Variants in ADAMTS19 observed in about 807,000 individuals in gnomAD.
ADAMTS19 encodes ADAM metallopeptidase with thrombospondin type 1 motif 19, also known as A disintegrin and metalloproteinase with thrombospondin motifs 19.
In ADAMTS19, 93 loss-of-function variants were observed where a neutral mutation model predicts 153.3. The ratio of observed to expected loss-of-function variants is 0.61; its 90% CI spans 0.51 to 0.72. The LOEUF is 0.72. Ranked by LOEUF, ADAMTS19 falls within the 30% of genes least tolerant of loss-of-function variation. The probability of loss-of-function intolerance (pLI) is 0.00; values close to 1 mark genes in which losing one functional copy is unlikely to be tolerated. For missense variants in ADAMTS19, 1,482 were observed against 1,552.1 expected (o/e 0.95, Z 0.76); for synonymous variants, 600 against 556.6 (o/e 1.08, Z -1.10).
In ADAMTS19 at chr5:129,481,271, G is replaced by A. The variant is rs1250096865; in HGVS notation, c.747+19514G>A. ...AGAGACAGAGAGTGCGAGAGTGCAA[G>A]TGCAGGGAAAACTGCCACTTTTAAA... On this transcript the variant is annotated intron_variant, in intron 2 of 22. Transcript: ENST00000274487. 3.3e-5 allele frequency among the ~76,000 whole-genome samples: 5 copies of A among 152,292 alleles called. No homozygotes were observed. In the East Asian group the frequency reaches 9.7e-4, roughly 29 times the overall value.
intron 8 of ADAMTS19, among the ~76,000 whole-genome samples, chr5:129,612,316 A>G (rs1011692288): frequency 2.6e-5 from 4 of 151,752 alleles, no homozygotes; most frequent in African/African-American, 7.3e-5. Flanking sequence ...ATCATTTTTT[A>G]TGGCTGCATA....
At chr5:129,718,346 CA>C (rs948078660) in intron 21 of ADAMTS19, among the ~76,000 whole-genome samples, 7 of 151,064 alleles carry the variant, frequency 4.6e-5, no homozygotes, top group Admixed American at 2.0e-4. Context: ...ATGTTAGATC[CA>C]AAAAAAATAA....
chr5:129,614,199 A>G (rs1259515988), intron 8 of ADAMTS19, among the ~76,000 whole-genome samples: 1 of 152,178 alleles, frequency 6.6e-6, no homozygotes, highest in Non-Finnish European at 1.5e-5. Flanking sequence ...GGCCAGCATC[A>G]TCATAATACC....
chr5:129,472,276 A>C (rs936885848), intron 2 of ADAMTS19, among the ~76,000 whole-genome samples: 1 of 152,192 alleles, frequency 6.6e-6, no homozygotes, highest in African/African-American at 2.4e-5. Flanking sequence ...CTCATTATGC[A>C]AGCTAAAATT....
chr5:129,543,020 TG>T (rs1332839466), intron 6 of ADAMTS19, among the ~76,000 whole-genome samples: 4 of 149,944 alleles, frequency 2.7e-5, no homozygotes, highest in African/African-American at 4.9e-5. Context: ...TTTTTGTTGT[TG>T]TTTTTTTTTG....
chr5:129,730,560 A>G lies in ADAMTS19; in HGVS notation c.3313-4372A>G, dbSNP rs377010243. Among the ~76,000 whole-genome samples, 103 of 152,290 alleles carry G rather than the reference A, an allele frequency of 6.8e-4. 2 individuals carry two copies. In the South Asian group the frequency reaches 0.021, roughly 31 times the overall value. Reference sequence around the variant, plus strand: ...TAATTTACCATGCAAATAGTAATACATAATTTACCACATAAGTAGTACCAT... The same window carrying G: ...TAATTTACCATGCAAATAGTAATACGTAATTTACCACATAAGTAGTACCAT... On this transcript the variant is annotated intron_variant, in intron 21 of 22. Transcript: ENST00000274487.
chr5:129,574,998 AC>A (rs1446311645), intron 7 of ADAMTS19, among the ~76,000 whole-genome samples: 23 of 151,998 alleles, frequency 1.5e-4, no homozygotes, highest in African/African-American at 5.3e-4. Flanking sequence ...TATGTCAAAA[AC>A]TATATTAAAC....
At chr5:129,494,873 C>G (rs1029532577) in intron 2 of ADAMTS19, among the ~76,000 whole-genome samples, 1 of 152,032 alleles carries the variant, frequency 6.6e-6, no homozygotes, top group African/African-American at 2.4e-5. Context: ...CCAGAGGGAA[C>G]TCTTAAATAA....
chr5:129,729,127 A>G (rs1341044042), intron 21 of ADAMTS19, among the ~76,000 whole-genome samples: 1 of 152,104 alleles, frequency 6.6e-6, no homozygotes, highest in Non-Finnish European at 1.5e-5. Flanking sequence ...GCTATGATCT[A>G]CTACAATACC....
chr5:129,638,576 T>TACAC (rs200992336), intron 10 of ADAMTS19, among the ~76,000 whole-genome samples: 886 of 75,798 alleles, frequency 0.012, 15 homozygotes, highest in African/African-American at 0.053. Flanking sequence ...CACACACACA[T>TACAC]ACACACACAC....
chr5:129,658,351 A>AAGAGAGAGAGAGAGAGAG lies in ADAMTS19; in HGVS notation c.2305-263_2305-262insGAGAGAGAGAGAGAGAGA, dbSNP rs1212857566. Among the ~76,000 whole-genome samples the AAGAGAGAGAGAGAGAGAG allele has an allele frequency of 3.0e-3, 403 of 133,116 alleles. 6 individuals are homozygous for AAGAGAGAGAGAGAGAGAG. The highest frequency in any genetic ancestry group is 0.015 in the East Asian group (75 of 4,950). The allele number at this position is 133,116 out of a possible 152,430, so 87.3% of individuals were successfully genotyped here. A position where few individuals can be genotyped will look rare whatever the true frequency, so the allele number is the denominator to read the frequency against. On this transcript the variant is annotated intron_variant, in intron 14 of 22. Transcript: ENST00000274487. ...AAAGAAAGAAAGAAAGAAAGAAAGA[A>AAGAGAGAGAGAGAGAGAG]AGAAAGAAAGAAAGAAAGAGAGAGA...
chr5:129,699,422 CAAAA>C (rs536240544), intron 19 of ADAMTS19, among the ~76,000 whole-genome samples: 1 of 80,570 alleles, frequency 1.2e-5, no homozygotes, highest in African/African-American at 3.7e-5. Flanking sequence ...GACTTCATCT[CAAAA>C]AAAAAAAAAA....
intron 12 of ADAMTS19, 114 bp downstream of exon 12, chr5:129,648,009 G>A: frequency 3.0e-5 from 35 of 1,176,790 alleles, no homozygotes; most frequent in Middle Eastern, 2.8e-4. Flanking sequence ...TACTCACGTT[G>A]GAAAACAGAA....
chr5:129,519,956 A>G (rs750534766), intron 3 of ADAMTS19, among the ~76,000 whole-genome samples: 11 of 152,092 alleles, frequency 7.2e-5, no homozygotes, highest in Non-Finnish European at 1.6e-4. Flanking sequence ...AAGTAGATTA[A>G]GTGCACCAAA....
At chr5:129,733,952 TGTGTGTGTGTGTG>T (rs1156235590) in intron 21 of ADAMTS19, among the ~76,000 whole-genome samples, 4 of 1,410 alleles carry the variant, frequency 2.8e-3, no homozygotes, top group Non-Finnish European at 4.3e-3. Context: ...TGCGTGTGTG[TGTGTGTGTGTGTG>T]TGTGTGTGTG....
At chr5:129,518,999 T>C (rs1377614591) in intron 3 of ADAMTS19, among the ~76,000 whole-genome samples, 2 of 152,194 alleles carry the variant, frequency 1.3e-5, no homozygotes, top group Non-Finnish European at 2.9e-5. Flanking sequence ...CTCTTCAATA[T>C]GCTAATTGCA....
At chr5:129,654,529 G>T (rs2127056248) in intron 14 of ADAMTS19, 96 bp downstream of exon 14, 1 of 1,361,134 alleles carries the variant, frequency 7.3e-7, no homozygotes, top group African/African-American at 1.5e-5. Context: ...TTTGGACTTA[G>T]ATTCAAAAGA....
At chr5:129,658,335 A>G (rs796326748) in intron 14 of ADAMTS19, among the ~76,000 whole-genome samples, 1,684 of 84,240 alleles carry the variant, frequency 0.02, 150 homozygotes, top group African/African-American at 0.078. Flanking sequence ...GAAAGAAAGA[A>G]AGAAAGAAAG....
At chr5:129,549,263 A>T (rs1457991658) in intron 6 of ADAMTS19, among the ~76,000 whole-genome samples, 1 of 151,244 alleles carries the variant, frequency 6.6e-6, no homozygotes, top group East Asian at 1.9e-4. Flanking sequence ...AAATCCAAAC[A>T]TATCAATAAT....
Sources: allele counts gnomAD v4.1 joint callset (sites outside exome capture counted in the v4.1 genomes callset), GRCh38; gene constraint gnomAD v4.1.1; transcripts MANE v1.5; gene names NCBI Gene and HGNC (gene_info 2026-07-23, HGNC 2026-07-21).